UHRF2: variants seen among roughly 807,000 people sequenced by gnomAD.
UHRF2 encodes E3 ubiquitin-protein ligase UHRF2.
Under a neutral mutation model 96.8 loss-of-function variants are expected in UHRF2, and 23 were observed. That is an observed-to-expected ratio of 0.24 (90% CI 0.17 to 0.34). UHRF2 has a LOEUF of 0.34. Ranked by LOEUF, UHRF2 falls within the 10% of genes least tolerant of loss-of-function variation. The pLI, the probability that UHRF2 is intolerant of heterozygous loss-of-function variation, is 1.00. For synonymous variants in UHRF2, 385 were observed against 332.6 expected, an observed-to-expected ratio of 1.16 and a Z score of -1.72; for missense variants, 685 against 981.5, an observed-to-expected ratio of 0.70 and a Z score of 4.04.
At chr9:6,467,206 A>G (rs545925131) in intron 4 of UHRF2, among the ~76,000 whole-genome samples, 91 of 152,238 alleles carry the variant, frequency 6.0e-4, no homozygotes, top group African/African-American at 2.1e-3. Flanking sequence ...CATGTTTCAG[A>G]CGCCTCCCAC....
chr9:6,438,803 C>T (rs908108414), intron 3 of UHRF2, among the ~76,000 whole-genome samples: 2 of 152,100 alleles, frequency 1.3e-5, no homozygotes, highest in African/African-American at 2.4e-5. Context: ...AAACAGAATT[C>T]GTTGCTGAAT....
At chr9:6,442,500 A>T (rs1333407397) in intron 3 of UHRF2, among the ~76,000 whole-genome samples, 2 of 150,010 alleles carry the variant, frequency 1.3e-5, no homozygotes, top group African/African-American at 5.0e-5. Context: ...TGTTTTTGAG[A>T]CAGGGTCTTG....
chr9:6,460,487 C>A, intron 3 of UHRF2, 86 bp from the exon 4 acceptor site: 1 of 1,136,844 alleles, frequency 8.8e-7, no homozygotes, highest in Non-Finnish European at 1.2e-6. Context: ...AGATGATTAA[C>A]TCAGCAAATT....
At chr9:6,431,955 G>A (rs776665800) in intron 2 of UHRF2, among the ~76,000 whole-genome samples, 1 of 152,142 alleles carries the variant, frequency 6.6e-6, no homozygotes, top group Non-Finnish European at 1.5e-5. Context: ...GATTTGCTGC[G>A]ACAGAGTAGT....
At chr9:6,492,961 C>G (rs1824753658) in intron 9 of UHRF2, 1 of 151,368 alleles carries the variant, frequency 6.6e-6, no homozygotes, top group Non-Finnish European at 1.5e-5. Context: ...TGGGTGAACC[C>G]ACAGAATGTG....
chr9:6,459,593 C>G (rs1322318120), intron 3 of UHRF2, among the ~76,000 whole-genome samples: 1 of 152,174 alleles, frequency 6.6e-6, no homozygotes, highest in Non-Finnish European at 1.5e-5. Flanking sequence ...CACTTGAACC[C>G]AGGAGGTGGA....
intron 4 of UHRF2, chr9:6,468,374 G>A: frequency 2.2e-6 from 1 of 451,364 alleles, no homozygotes; most frequent in South Asian, 1.6e-5. Flanking sequence ...GCTGGCAGTA[G>A]ATTAGTGCTT....
At position 6,482,019 on chromosome 9, in the gene UHRF2, G is replaced by A. The variant is rs767186246; in HGVS notation, c.1312G>A (p.Glu438Lys). 1 of 1,613,844 alleles carries A rather than the reference G, an allele frequency of 6.2e-7. No homozygotes were observed. The highest frequency in any genetic ancestry group is 8.5e-7 in the Non-Finnish European group (1 of 1,179,950). ...AATGGCTTGTGTTGGTCGTACGAGA[G>A]AATGTACTATTGTCCCTTCTAATCA... ...RGMACVGRTRECTIVPSNHYG... is the reference protein window; with the variant it reads ...RGMACVGRTRKCTIVPSNHYG... The change falls in exon 8 of 16, where the codon GAA (glutamate) becomes AAA (lysine). Residue 438 changes from glutamate (E) to lysine (K), a missense_variant. Around this residue, in one of 6 missense-constraint regions of UHRF2, gnomAD observed 73 missense variants for 283.7 expected, o/e 0.26. Transcript: ENST00000276893.
intron 2 of UHRF2, among the ~76,000 whole-genome samples, chr9:6,428,878 A>G (rs1587775084): frequency 6.6e-6 from 1 of 151,564 alleles, no homozygotes; most frequent in Admixed American, 6.6e-5. Context: ...TTAAAGAAAG[A>G]TGGGGCCGAG....
At chr9:6,436,823 T>C (rs1223635983) in intron 3 of UHRF2, among the ~76,000 whole-genome samples, 18 of 152,152 alleles carry the variant, frequency 1.2e-4, no homozygotes. Context: ...ATCCAACATG[T>C]GTGAAAAGAC....
At chr9:6,436,335 G>A (rs757612976) in intron 3 of UHRF2, among the ~76,000 whole-genome samples, 2 of 152,116 alleles carry the variant, frequency 1.3e-5, no homozygotes, top group Non-Finnish European at 2.9e-5. Flanking sequence ...TAGTACCAAC[G>A]ATTATCTGAG....
In UHRF2 at chr9:6,490,301, G is replaced by A. The variant is rs73401017; in HGVS notation, c.1497+3376G>A. Among the ~76,000 whole-genome samples, 7 of 152,246 alleles carry A rather than the reference G, an allele frequency of 4.6e-5. No homozygotes were observed. The South Asian group carries it at 6.2e-4, about 14-fold the overall frequency. On this transcript the variant is annotated intron_variant, in intron 9 of 15. Coordinates refer to ENST00000276893, the MANE Select transcript of UHRF2 (RefSeq NM_152896.3). ...TTATGTGGCCCTTTGCACATAGCAC[G>A]GACTCAAATGTTAGTTATATTCTCT...
intron 3 of UHRF2, among the ~76,000 whole-genome samples, chr9:6,444,817 G>A (rs942362012): frequency 6.6e-6 from 1 of 152,126 alleles, no homozygotes; most frequent in South Asian, 2.1e-4. Context: ...TGGCCAGGCT[G>A]GTCTTGAACC....
At chr9:6,446,350 C>T (rs994687748) in intron 3 of UHRF2, among the ~76,000 whole-genome samples, 1 of 151,862 alleles carries the variant, frequency 6.6e-6, no homozygotes, top group African/African-American at 2.4e-5. Flanking sequence ...AGCATGTTGG[C>T]CAGGCTGGTC....
intron 6 of UHRF2, among the ~76,000 whole-genome samples, chr9:6,480,657 A>C (rs888502840): frequency 6.6e-6 from 1 of 152,194 alleles, no homozygotes; most frequent in Non-Finnish European, 1.5e-5. Context: ...AATCTTTAAT[A>C]CAGTTAGTTA....
At chr9:6,505,213 C>T (rs1023509671) in intron 15 of UHRF2, among the ~76,000 whole-genome samples, 2 of 151,892 alleles carry the variant, frequency 1.3e-5, no homozygotes, top group Non-Finnish European at 2.9e-5. Context: ...AATCTACATA[C>T]GAGTTTGTGC....
intron 2 of UHRF2, among the ~76,000 whole-genome samples, chr9:6,423,948 A>AT (rs1214337238): frequency 4.4e-4 from 65 of 147,278 alleles, no homozygotes; most frequent in Middle Eastern, 3.5e-3. Flanking sequence ...CAGTATCAAA[A>AT]AAAATAAATA....
At chr9:6,479,906 A>G (rs1308461100) in intron 6 of UHRF2, among the ~76,000 whole-genome samples, 2 of 152,128 alleles carry the variant, frequency 1.3e-5, no homozygotes, top group Non-Finnish European at 2.9e-5. Context: ...ACGGATGTCT[A>G]ACTAGACTCT....
chr9:6,417,288 AC>A (rs931878664), intron 1 of UHRF2, among the ~76,000 whole-genome samples: 8 of 152,194 alleles, frequency 5.3e-5, no homozygotes, highest in African/African-American at 1.9e-4. Flanking sequence ...AAAAATCCTA[AC>A]CATTTTTGCT....
Sources: gnomAD v4.1 joint callset for allele counts (sites outside exome capture counted in the v4.1 genomes callset) on GRCh38, gnomAD v4.1.1 for gene constraint, gnomAD v4.1.1 regional missense constraint, MANE v1.5 for transcripts, NCBI Gene and HGNC (gene_info 2026-07-23, HGNC 2026-07-21) for gene names.